The following ING3 variants were observed in gnomAD, a reference collection of about 807,000 sequenced individuals.
ING3 encodes the protein inhibitor of growth protein 3.
A neutral mutation model predicts 64.8 loss-of-function variants in ING3; 6 were observed. That is an observed-to-expected ratio of 0.09 (90% CI 0.05 to 0.18). ING3 has a LOEUF of 0.18. ING3 is among the 10% of genes least tolerant of loss of function. The probability of loss-of-function intolerance (pLI) is 1.00; values close to 1 mark genes in which losing one functional copy is unlikely to be tolerated. For missense variants in ING3, 310 were observed against 489.7 expected (o/e 0.63, Z 3.46); for synonymous variants, 170 against 173.7 (o/e 0.98, Z 0.17).
At chr7:120,953,501 G>C in intron 3 of ING3, 97 bp downstream of exon 3, 1 of 708,134 alleles carries the variant, frequency 1.4e-6, no homozygotes, top group Non-Finnish European at 2.4e-6. Context: ...CAAAATGAGA[G>C]AATATTATCA....
intron 4 of ING3, among the ~76,000 whole-genome samples, chr7:120,963,667 G>T (rs2116673593): frequency 6.6e-6 from 1 of 152,242 alleles, no homozygotes; most frequent in African/African-American, 2.4e-5. Flanking sequence ...GGCTAGAAAA[G>T]ATAGGTCATC....
At chr7:120,959,119 T>C (rs1289234572) in intron 4 of ING3, among the ~76,000 whole-genome samples, 4 of 152,204 alleles carry the variant, frequency 2.6e-5, no homozygotes, top group South Asian at 2.1e-4. Flanking sequence ...TTTCTTAGTC[T>C]CCTTCTTGGG....
rs1249736945 is a variant in ING3 at position 120,974,918 on chromosome 7, GAGAA to G, written c.*79_*82del. ...ATATAGGACTTTAAAAAGAAGAGAA[GAGAA>G]AGAAGAAACAATGCATTTCCAGGCA... On this transcript the variant is annotated 3_prime_UTR_variant, in exon 12 of 12. Transcript: ENST00000315870. 1 of 1,053,758 alleles carries G rather than the reference GAGAA, an allele frequency of 9.5e-7. No homozygotes were observed. The highest frequency in any genetic ancestry group is 1.4e-6 in the Non-Finnish European group (1 of 715,840). 65.3% of individuals were successfully genotyped at this position (1,053,758 alleles called of 1,614,324 possible). A position where few individuals can be genotyped will look rare whatever the true frequency, so the allele number is the denominator to read the frequency against.
At position 120,953,298 on chromosome 7, in the gene ING3, T is replaced by A. The variant is rs1346950979; in HGVS notation, c.101-6T>A. On this transcript the variant is annotated splice_region_variant and splice_polypyrimidine_tract_variant and intron_variant, in intron 2 of 11. Transcript: ENST00000315870. ...TTTAATATGAATTTTTTTTATTATG[T>A]CATAGATGCAATGGATCAACTAGAA... 3 of 1,545,134 alleles carry A rather than the reference T, an allele frequency of 1.9e-6. No homozygotes were observed. The highest frequency in any genetic ancestry group is 2.6e-6 in the Non-Finnish European group (3 of 1,133,990).
In ING3 at chr7:120,977,011, G is replaced by T. The variant is rs1244679562; in HGVS notation, c.*2167G>T. 1 of 152,068 alleles carries T rather than the reference G, an allele frequency of 6.6e-6. No homozygotes were observed. The highest frequency in any genetic ancestry group is 2.4e-5 in the African/African-American group (1 of 41,390). The allele number at this position is 152,068 out of a possible 1,614,324, so 9.4% of individuals were successfully genotyped here. A position where few individuals can be genotyped will look rare whatever the true frequency, so the allele number is the denominator to read the frequency against. ...TATTCTTTGTGACATTTACACCAAG[G>T]GGCATAGTAAGTATTTTTGGTATTA... On this transcript the variant is annotated 3_prime_UTR_variant, in exon 12 of 12. Transcript: ENST00000315870.
intron 4 of ING3, among the ~76,000 whole-genome samples, chr7:120,962,939 G>A (rs1562974983): frequency 6.6e-6 from 1 of 151,918 alleles, no homozygotes; most frequent in Non-Finnish European, 1.5e-5. Context: ...TCCTATGAAG[G>A]CAATGATTCT....
chr7:120,970,653 T>A, intron 9 of ING3, 35 bp from the exon 10 acceptor site: 1 of 1,607,112 alleles, frequency 6.2e-7, no homozygotes, highest in Non-Finnish European at 8.5e-7. Flanking sequence ...AACTTCTGGA[T>A]GGTGAGCAAA....
rs1796115225 is a variant in ING3, at chr7:120,974,888, A to G, written c.*44A>G. 1 of 1,328,616 alleles carries G rather than the reference A, an allele frequency of 7.5e-7. No individual in the cohort carries two copies. Among genetic ancestry groups the G allele is most frequent in the Admixed American group, 1.9e-5 (1 of 53,504 alleles). 82.3% of individuals were successfully genotyped at this position (1,328,616 alleles called of 1,614,324 possible). A position where few individuals can be genotyped will look rare whatever the true frequency, so the allele number is the denominator to read the frequency against. ...ATGAAGAAATAAACTTCAGCTGAAG[A>G]TTTTATATAGGACTTTAAAAAGAAG... On this transcript the variant is annotated 3_prime_UTR_variant, in exon 12 of 12. Transcript: ENST00000315870.
chr7:120,953,200 G>T, intron 2 of ING3, 104 bp from the exon 3 acceptor site: 2 of 580,936 alleles, frequency 3.4e-6, no homozygotes, highest in Non-Finnish European at 6.1e-6. Flanking sequence ...CTGGCAAGGT[G>T]AAAGAGTGTG....
At chr7:120,965,979 GGACACA>G (rs1408807616) in intron 5 of ING3, among the ~76,000 whole-genome samples, 1 of 151,984 alleles carries the variant, frequency 6.6e-6, no homozygotes, top group Non-Finnish European at 1.5e-5. Flanking sequence ...TCCTCTCTAA[GGACACA>G]GACATATGAA....
Position 120,969,109 on chromosome 7 carries a change from A to G in ING3, c.813A>G (p.Glu271=), listed in dbSNP as rs953828612. ...GAAAAGAATTTTCAATGGCCAGGGA[A>G]ACAGTTGGCTATTCATCATCTTCGG... ...QLGKEFSMAR[E]TVGYSSSSAL... The change falls in exon 9 of 12, where the codon GAA becomes GAG. Residue 271 remains glutamate (E), a synonymous_variant. Coordinates refer to ENST00000315870, the MANE Select transcript of ING3 (RefSeq NM_019071.3). 1 of 1,614,000 alleles carries G rather than the reference A, an allele frequency of 6.2e-7. No individual in the cohort carries two copies. Among genetic ancestry groups the G allele is most frequent in the Non-Finnish European group, 8.5e-7 (1 of 1,179,872 alleles).
chr7:120,961,134 C>T (rs1213804675), intron 4 of ING3, among the ~76,000 whole-genome samples: 3 of 152,014 alleles, frequency 2.0e-5, no homozygotes, highest in East Asian at 1.9e-4. Context: ...CTGTCCTGTC[C>T]TTATTGTCTT....
Position 120,966,705 on chromosome 7 carries a change from T to A in ING3, c.436+8T>A, listed in dbSNP as rs187615545. 3.7e-6 allele frequency: 6 copies of A among 1,603,176 alleles called. No homozygotes were observed. The highest frequency in any genetic ancestry group is 5.1e-6 in the Non-Finnish European group (6 of 1,170,110). On this transcript the variant is annotated splice_region_variant and intron_variant, in intron 6 of 11. Transcript: ENST00000315870. ...CACATACTCCAGTGGAAAGTAAGTT[T>A]GGTGTAGTGCAGCTAAGTTTTAAAA...
Position 120,969,195 on chromosome 7 carries a change from G to A in ING3, c.899G>A (p.Arg300Gln), listed in dbSNP as rs866714436. Residue 300 changes from arginine to glutamine, a missense_variant, in exon 9 of 12, where the codon CGA (arginine) becomes CAA (glutamine). By Grantham distance (43) the Arg-to-Gln change is conservative. Transcript: ENST00000315870. ...SSSAADSRSG[R>Q]KSKNNNKSSS... is the part of the protein sequence containing the mutation. ...TCAGCAGCCGACTCACGGAGTGGTC[G>A]AAAGAGCAAGTAAGTTTTATTGTTA... The A allele has an allele frequency of 1.9e-6, 3 of 1,612,580 alleles. No homozygotes were observed. The highest frequency in any genetic ancestry group is 1.3e-5 in the African/African-American group (1 of 74,978).
chr7:120,968,967 A>G (rs762834408), intron 8 of ING3, 44 bp from the exon 9 acceptor site: 1 of 1,199,172 alleles, frequency 8.3e-7, no homozygotes, highest in Non-Finnish European at 1.2e-6. Flanking sequence ...AAGAAAATCT[A>G]CATATTTACA....
chr7:120,966,826 G>A, intron 6 of ING3, 129 bp downstream of exon 6: 4 of 702,576 alleles, frequency 5.7e-6, no homozygotes, highest in African/African-American at 1.8e-5. Flanking sequence ...TTCATTGCAA[G>A]TACTGGCAGA....
chr7:120,960,650 G>A (rs1168296599), intron 4 of ING3, among the ~76,000 whole-genome samples: 4 of 151,940 alleles, frequency 2.6e-5, no homozygotes, highest in Non-Finnish European at 5.9e-5. Context: ...ATTTATTAAG[G>A]AATAAACCAA....
chr7:120,961,964 A>G (rs565965467), intron 4 of ING3, among the ~76,000 whole-genome samples: 167 of 152,250 alleles, frequency 1.1e-3, no homozygotes, highest in African/African-American at 3.9e-3. Flanking sequence ...ATGAAAGCAG[A>G]TGTTTGTGGA....
rs369051259 is a variant in ING3 at position 120,968,072 on chromosome 7, C to T, written c.695C>T (p.Ala232Val). ...GCAATTACCATGGCAGCTGCTCAAG[C>T]AGTTCAGGCTACAGCTCAGGTAAAA... ...AGAITMAAAQ[A>V]VQATAQMKEG... The change falls in exon 8 of 12, where the codon GCA (alanine) becomes GTA (valine). Residue 232 changes from alanine (A) to valine (V), a missense_variant. Coordinates refer to ENST00000315870, the MANE Select transcript of ING3 (RefSeq NM_019071.3). The T allele has an allele frequency of 1.9e-6, 3 of 1,613,930 alleles. No homozygotes were observed. Among genetic ancestry groups the T allele is most frequent in the Non-Finnish European group, 2.5e-6 (3 of 1,179,994 alleles).
Sources: gnomAD v4.1 joint callset for allele counts (sites outside exome capture counted in the v4.1 genomes callset) on GRCh38, gnomAD v4.1.1 for gene constraint, MANE v1.5 for transcripts, NCBI Gene and HGNC (gene_info 2026-07-23, HGNC 2026-07-21) for gene names.